Variants in CNTNAP2 observed in about 807,000 individuals in gnomAD.
The protein encoded by CNTNAP2 is contactin-associated protein-like 2.
Under a neutral mutation model 155.2 loss-of-function variants are expected in CNTNAP2, and 98 were observed. The observed-to-expected ratio is 0.63, with a 90% CI of 0.54 to 0.75. The LOEUF is 0.75. Among genes scored for constraint, CNTNAP2 ranks in the 30% least tolerant of loss-of-function variants. The pLI, the probability that CNTNAP2 is intolerant of heterozygous loss-of-function variation, is 0.00. For synonymous variants in CNTNAP2, 651 were observed against 631.2 expected, an observed-to-expected ratio of 1.03 and a Z score of -0.47; for missense variants, 1,727 against 1,688.1, an observed-to-expected ratio of 1.02 and a Z score of -0.40.
At chr7:147,263,528 C>T (rs752520226) in intron 8 of CNTNAP2, among the ~76,000 whole-genome samples, 2 of 152,236 alleles carry the variant, frequency 1.3e-5, no homozygotes, top group South Asian at 2.1e-4. Flanking sequence ...CAAAACAACA[C>T]GAACATCTCA....
rs373848117 is a variant in CNTNAP2 at position 147,408,977 on chromosome 7, G to A, written c.1670+13197G>A. ...ATTTAGGAGTTGGACTGAGGAGAGA[G>A]GGCTCATTAGATGTGGAAACCGGAA... On this transcript the variant is annotated intron_variant, in intron 10 of 23. Transcript: ENST00000361727. Among the ~76,000 whole-genome samples, 279 of 152,226 alleles carry A rather than the reference G, an allele frequency of 1.8e-3. 2 individuals are homozygous for A. Among genetic ancestry groups the A allele is most frequent in the African/African-American group, 6.3e-3 (261 of 41,542 alleles).
chr7:146,942,867 C>T (rs145619082), intron 3 of CNTNAP2, among the ~76,000 whole-genome samples: 241 of 152,242 alleles, frequency 1.6e-3, no homozygotes, highest in African/African-American at 5.5e-3. Flanking sequence ...AATCTTTGAC[C>T]TTACTATTCC....
chr7:147,325,753 C>A (rs1334726592), intron 9 of CNTNAP2, among the ~76,000 whole-genome samples: 1 of 152,160 alleles, frequency 6.6e-6, no homozygotes, highest in Non-Finnish European at 1.5e-5. Flanking sequence ...ACCATTTTAA[C>A]TATATTTAAG....
At position 146,531,450 on chromosome 7, in the gene CNTNAP2, T is replaced by C. The variant is rs536123187; in HGVS notation, c.98-242821T>C. On this transcript the variant is annotated intron_variant, in intron 1 of 23. Transcript: ENST00000361727. ...ACAAAGGCAAAGCATATATGAAATA[T>C]ATGGTCTTCTAAATATTCATGTTAA... is the stretch of plus-strand genomic sequence containing the variant. 4.6e-5 allele frequency among the ~76,000 whole-genome samples: 7 copies of C among 152,324 alleles called. No individual in the cohort carries two copies. In the East Asian group the frequency reaches 1.4e-3, roughly 29 times the overall value.
chr7:147,303,527 A>G (rs62485032), intron 9 of CNTNAP2, among the ~76,000 whole-genome samples: 1 of 152,200 alleles, frequency 6.6e-6, no homozygotes, highest in African/African-American at 2.4e-5. Flanking sequence ...AAAATTTTAA[A>G]GTAGGATTCA....
intron 8 of CNTNAP2, among the ~76,000 whole-genome samples, chr7:147,237,797 AT>A (rs1803844384): frequency 6.6e-6 from 1 of 152,248 alleles, no homozygotes; most frequent in Admixed American, 6.5e-5. Context: ...AAGCAGAAGT[AT>A]TATGAAACAG....
At chr7:146,766,032 C>A (rs1802188611) in intron 1 of CNTNAP2, among the ~76,000 whole-genome samples, 2 of 151,898 alleles carry the variant, frequency 1.3e-5, no homozygotes, top group African/African-American at 2.4e-5. Context: ...AGTGGAGCTT[C>A]GATTTTATAC....
At chr7:146,590,443 G>GCTC (rs1798764111) in intron 1 of CNTNAP2, among the ~76,000 whole-genome samples, 1 of 151,928 alleles carries the variant, frequency 6.6e-6, no homozygotes, top group Non-Finnish European at 1.5e-5. Context: ...TTATTACACA[G>GCTC]CTCCTATCAA....
chr7:146,530,534 C>CA (rs1274539688), intron 1 of CNTNAP2, among the ~76,000 whole-genome samples: 2 of 152,036 alleles, frequency 1.3e-5, no homozygotes, highest in Non-Finnish European at 1.5e-5. Context: ...AGTTTACAGG[C>CA]AAAAAACAAC....
Position 146,369,046 on chromosome 7 carries a change from TATATAC to T in CNTNAP2, c.97+252079_97+252084del, listed in dbSNP as rs1188104883. ...AGCATTATGTATATATATATATATA[TATATAC>T]ATATATATATATACTCATAACTCTT... On this transcript the variant is annotated intron_variant, in intron 1 of 23. Transcript: ENST00000361727. Among the ~76,000 whole-genome samples, 279 of 127,240 alleles carry T rather than the reference TATATAC, an allele frequency of 2.2e-3. 1 individual carries two copies. The highest frequency in any genetic ancestry group is 7.7e-3 in the African/African-American group (268 of 34,592). 83.5% of individuals were successfully genotyped at this position (127,240 alleles called of 152,430 possible).
chr7:147,239,021 G>C (rs1043889382), intron 8 of CNTNAP2, among the ~76,000 whole-genome samples: 1 of 152,030 alleles, frequency 6.6e-6, no homozygotes, highest in African/African-American at 2.4e-5. Context: ...ACAAGGAAAT[G>C]GATAATCTAT....
chr7:147,973,055 G>A (rs1452654743), intron 14 of CNTNAP2, among the ~76,000 whole-genome samples: 1 of 151,640 alleles, frequency 6.6e-6, no homozygotes, highest in Non-Finnish European at 1.5e-5. Flanking sequence ...TACTCAGGAG[G>A]CTGAGGCAGG....
intron 1 of CNTNAP2, among the ~76,000 whole-genome samples, chr7:146,604,987 G>A (rs1482395611): frequency 1.4e-5 from 2 of 141,514 alleles, no homozygotes; most frequent in Non-Finnish European, 1.5e-5. Context: ...TGACGAGTTA[G>A]TGGGTGCAGT....
chr7:147,221,610 G>C (rs1803403323), intron 8 of CNTNAP2, among the ~76,000 whole-genome samples: 1 of 152,020 alleles, frequency 6.6e-6, no homozygotes, highest in Non-Finnish European at 1.5e-5. Flanking sequence ...GTCAAGGCAG[G>C]GTGCTAAAGA....
intron 13 of CNTNAP2, among the ~76,000 whole-genome samples, chr7:147,751,089 A>T (rs1216277064): frequency 2.6e-5 from 4 of 151,238 alleles, no homozygotes; most frequent in South Asian, 4.1e-4. Context: ...ATTAAAAAAA[A>T]TTTCCAGGCT....
chr7:147,038,845 A>G (rs1455511813), intron 3 of CNTNAP2, among the ~76,000 whole-genome samples: 1 of 152,166 alleles, frequency 6.6e-6, no homozygotes, highest in Non-Finnish European at 1.5e-5. Flanking sequence ...AAAAATTATA[A>G]GATGTATAAC....
At chr7:147,924,330 G>A (rs1199901290) in intron 14 of CNTNAP2, among the ~76,000 whole-genome samples, 1 of 151,596 alleles carries the variant, frequency 6.6e-6, no homozygotes, top group Non-Finnish European at 1.5e-5. Context: ...GTAGAGACAG[G>A]GTTTCTCCAT....
At chr7:148,412,747 T>C (rs986579) in intron 23 of CNTNAP2, among the ~76,000 whole-genome samples, 88,884 of 152,030 alleles carry the variant, frequency 0.58, 26,700 homozygotes, top group African/African-American at 0.67. Flanking sequence ...ATATTGAGAT[T>C]TGACAATTTT....
chr7:148,039,353 A>G (rs1032262021), intron 15 of CNTNAP2, among the ~76,000 whole-genome samples: 6 of 152,170 alleles, frequency 3.9e-5, no homozygotes, highest in African/African-American at 1.4e-4. Context: ...CTGGGACCTC[A>G]GCAAATTGGA....
Sources: gnomAD v4.1 joint callset for allele counts (sites outside exome capture counted in the v4.1 genomes callset) on GRCh38, gnomAD v4.1.1 for gene constraint, MANE v1.5 for transcripts, NCBI Gene and HGNC (gene_info 2026-07-23, HGNC 2026-07-21) for gene names.